The following LRP2 variants were observed in gnomAD, a reference collection of about 807,000 sequenced individuals.
LRP2 encodes the protein LDL receptor related protein 2.
A neutral mutation model predicts 531.0 loss-of-function variants in LRP2; 172 were observed. The observed-to-expected ratio is 0.32, with a 90% confidence interval of 0.29 to 0.37. LRP2 has a LOEUF of 0.37. LRP2 is among the 10% of genes least tolerant of loss of function. The pLI, the probability that LRP2 is intolerant of heterozygous loss-of-function variation, is 1.00. For synonymous variants in LRP2, 1,992 were observed against 2,027.6 expected (o/e 0.98, Z 0.47); for missense variants, 5,167 against 5,868.3 (o/e 0.88, Z 3.90).
intron 37 of LRP2, among the ~76,000 whole-genome samples, chr2:169,209,965 C>T (rs553393464): frequency 2.0e-5 from 3 of 152,026 alleles, no homozygotes; most frequent in Admixed American, 6.6e-5. Flanking sequence ...AAGAGGTTCT[C>T]CCTGGCCAAA....
At chr2:169,166,902 G>A (rs530537790) in intron 61 of LRP2, among the ~76,000 whole-genome samples, 120 of 152,262 alleles carry the variant, frequency 7.9e-4, no homozygotes, top group Non-Finnish European at 9.3e-4. Context: ...TTTTCCTTCC[G>A]CCTTGGTATC....
intron 3 of LRP2, among the ~76,000 whole-genome samples, chr2:169,308,379 T>C (rs1684487145): frequency 6.6e-6 from 1 of 152,078 alleles, no homozygotes; most frequent in Non-Finnish European, 1.5e-5. Flanking sequence ...CCCTCTCCCC[T>C]ACCCCACGAC....
chr2:169,326,878 G>A (rs1574260108), intron 1 of LRP2, among the ~76,000 whole-genome samples: 1 of 150,258 alleles, frequency 6.7e-6, no homozygotes, highest in African/African-American at 2.5e-5. Context: ...GCCCCGTCTG[G>A]GATGTGAGGA....
At chr2:169,147,058 T>C in intron 68 of LRP2, 99 bp from the exon 69 acceptor site, 2 of 947,782 alleles carry the variant, frequency 2.1e-6, no homozygotes, top group South Asian at 2.8e-5. Context: ...CAACTGTTTA[T>C]CTCAGGGACC....
At position 169,132,565 on chromosome 2, in the gene LRP2, A is replaced by C. The variant is rs763510703; in HGVS notation, c.13728+9T>G. The C allele has an allele frequency of 1.7e-5, 26 of 1,539,460 alleles. 2 individuals carry two copies. The South Asian group carries it at 2.9e-4, about 17-fold the overall frequency. ...ATCCCACATTATTTCAGGAGTCGGCAACTGTTACCTGAGTTCCATCAGCAG... is the reference window on the plus strand; with the variant it reads ...ATCCCACATTATTTCAGGAGTCGGCCACTGTTACCTGAGTTCCATCAGCAG... On this transcript the variant is annotated intron_variant, in intron 77 of 78. Coordinates refer to ENST00000649046, the MANE Select transcript of LRP2 (RefSeq NM_004525.3).
intron 17 of LRP2, among the ~76,000 whole-genome samples, chr2:169,257,840 C>CAA (rs796959700): frequency 1.5e-4 from 21 of 138,522 alleles, no homozygotes; most frequent in African/African-American, 5.4e-4. Flanking sequence ...AAAAAAAACA[C>CAA]AAAAAAAACA....
intron 28 of LRP2, 108 bp from the exon 29 acceptor site, chr2:169,236,176 C>T: frequency 2.4e-6 from 2 of 842,000 alleles, no homozygotes; most frequent in Non-Finnish European, 3.9e-6. Flanking sequence ...TAAAATAAAT[C>T]ATCTCTGGTT....
chr2:169,132,217 G>T (rs1173268148), intron 77 of LRP2, among the ~76,000 whole-genome samples: 2 of 152,162 alleles, frequency 1.3e-5, no homozygotes, highest in Non-Finnish European at 2.9e-5. Context: ...CACACAGACG[G>T]ATCTTTCATC....
chr2:169,317,106 C>T (rs1217205945), intron 3 of LRP2, among the ~76,000 whole-genome samples: 1 of 152,036 alleles, frequency 6.6e-6, no homozygotes, highest in Non-Finnish European at 1.5e-5. Context: ...GGGAGAATTG[C>T]CTCATGAAAT....
In LRP2 at chr2:169,305,959, G is replaced by T. The variant is rs369875417; in HGVS notation, c.427+1322C>A. 7.9e-5 allele frequency among the ~76,000 whole-genome samples: 12 copies of T among 152,066 alleles called. No homozygotes were observed. In the East Asian group the frequency reaches 2.3e-3, roughly 29 times the overall value. ...CTAGGGTATATACTGTTTACCCTAGGTGTGCAGTAGGCTATACCATCCAGG... is the reference window on the plus strand; with the variant it reads ...CTAGGGTATATACTGTTTACCCTAGTTGTGCAGTAGGCTATACCATCCAGG... On this transcript the variant is annotated intron_variant, in intron 4 of 78. Coordinates refer to ENST00000649046, the MANE Select transcript of LRP2 (RefSeq NM_004525.3).
chr2:169,213,847 T>A lies in LRP2; in HGVS notation c.5850A>T (p.Gly1950=). 1 of 1,613,474 alleles carries A rather than the reference T, an allele frequency of 6.2e-7. No homozygotes were observed. Among genetic ancestry groups the A allele is most frequent in the Non-Finnish European group, 8.5e-7 (1 of 1,179,504 alleles). ...RGVIERGNVD[G]TDRMILVHQL... The stretch of plus-strand genomic sequence containing the variant: ...GGTGTACCAGGATCATTCGATCTGT[T>A]CCATCCACGTTTCCTCTTTCAATCT... Residue 1950 remains glycine (G), a synonymous_variant, in exon 36 of 79, where the codon GGA becomes GGT. Coordinates refer to ENST00000649046, the MANE Select transcript of LRP2 (RefSeq NM_004525.3).
intron 1 of LRP2, among the ~76,000 whole-genome samples, chr2:169,360,486 G>C (rs1297022742): frequency 6.6e-6 from 1 of 152,128 alleles, no homozygotes; most frequent in Non-Finnish European, 1.5e-5. Flanking sequence ...ATCAAGAAGA[G>C]TAGGTATTGG....
At chr2:169,258,356 T>C (rs1451665121) in intron 17 of LRP2, among the ~76,000 whole-genome samples, 1 of 152,150 alleles carries the variant, frequency 6.6e-6, no homozygotes, top group African/African-American at 2.4e-5. Context: ...TGAGATTATA[T>C]ATCTAACGGA....
chr2:169,346,038 C>G (rs1291018193), intron 1 of LRP2, among the ~76,000 whole-genome samples: 1 of 152,178 alleles, frequency 6.6e-6, no homozygotes, highest in East Asian at 1.9e-4. Flanking sequence ...CTTCCTATCC[C>G]TTTCTCCTTC....
At chr2:169,312,474 C>A (rs1684640252) in intron 3 of LRP2, among the ~76,000 whole-genome samples, 2 of 152,058 alleles carry the variant, frequency 1.3e-5, no homozygotes, top group Non-Finnish European at 1.5e-5. Context: ...CTTAGTTTGG[C>A]TGGATATGAA....
At chr2:169,149,574 C>T (rs1329981406) in intron 68 of LRP2, among the ~76,000 whole-genome samples, 3 of 152,114 alleles carry the variant, frequency 2.0e-5, no homozygotes, top group Admixed American at 2.0e-4. Flanking sequence ...TGGTGGCTCA[C>T]ACCTGTAATC....
chr2:169,329,622 T>G (rs1387526781), intron 1 of LRP2, among the ~76,000 whole-genome samples: 1 of 152,182 alleles, frequency 6.6e-6, no homozygotes, highest in Non-Finnish European at 1.5e-5. Context: ...GCATACAGAC[T>G]TTGACCATGA....
At position 169,343,351 on chromosome 2, in the gene LRP2, A is replaced by G. The variant is rs529625196; in HGVS notation, c.79+18970T>C. Among the ~76,000 whole-genome samples, 54 of 152,188 alleles carry G rather than the reference A, an allele frequency of 3.5e-4. 1 individual carries two copies. Among genetic ancestry groups the G allele is most frequent in the African/African-American group, 1.3e-3 (53 of 41,526 alleles). On this transcript the variant is annotated intron_variant, in intron 1 of 78. Coordinates refer to ENST00000649046, the MANE Select transcript of LRP2 (RefSeq NM_004525.3). ...AGTTTCATCTGCTTTAAAAAGCTGT[A>G]TTTTTCCCCAGCAATTTCTATGGAT...
chr2:169,291,744 C>T (rs1684004350), intron 7 of LRP2, among the ~76,000 whole-genome samples: 2 of 152,182 alleles, frequency 1.3e-5, no homozygotes, highest in Admixed American at 1.3e-4. Context: ...CCAAGGTGGC[C>T]TCTCTTTCAC....
Sources: gnomAD v4.1 joint callset for allele counts (sites outside exome capture counted in the v4.1 genomes callset) on GRCh38, gnomAD v4.1.1 for gene constraint, MANE v1.5 for transcripts, NCBI Gene and HGNC (gene_info 2026-07-23, HGNC 2026-07-21) for gene names.